ARHGAP24: variants seen among roughly 807,000 people sequenced by gnomAD.
ARHGAP24 encodes the protein rho GTPase-activating protein 24.
ARHGAP24 carries 50 observed loss-of-function variants against 76.4 expected under a neutral mutation model. The ratio of observed to expected loss-of-function variants is 0.65; its 90% CI spans 0.52 to 0.83. The LOEUF is 0.83. Ranked by LOEUF, ARHGAP24 falls within the 40% of genes least tolerant of loss-of-function variation. ARHGAP24 has a pLI of 0.00. For synonymous variants in ARHGAP24, 345 were observed against 323.3 expected, an observed-to-expected ratio of 1.07 and a Z score of -0.72; for missense variants, 930 against 914.2, an observed-to-expected ratio of 1.02 and a Z score of -0.22.
chr4:85,850,446 T>C (rs1039392744), intron 3 of ARHGAP24, among the ~76,000 whole-genome samples: 3 of 152,324 alleles, frequency 2.0e-5, no homozygotes, highest in Admixed American at 2.0e-4. Flanking sequence ...TGTCTCTATC[T>C]CCTTCAGTTC....
At chr4:85,508,031 C>G (rs946794152) in intron 1 of ARHGAP24, among the ~76,000 whole-genome samples, 1 of 149,280 alleles carries the variant, frequency 6.7e-6, no homozygotes, top group African/African-American at 2.5e-5. Context: ...TTTATATCTC[C>G]TTTGCCTTTT....
intron 2 of ARHGAP24, among the ~76,000 whole-genome samples, chr4:85,611,742 A>G (rs1315564392): frequency 6.6e-6 from 1 of 152,142 alleles, no homozygotes; most frequent in African/African-American, 2.4e-5. Context: ...TGATCCTTTG[A>G]GTCTATGGCA....
intron 3 of ARHGAP24, among the ~76,000 whole-genome samples, chr4:85,749,857 G>A (rs750414695): frequency 1.4e-4 from 22 of 152,070 alleles, no homozygotes; most frequent in African/African-American, 4.3e-4. Flanking sequence ...GTGAGCCACC[G>A]TGCCTGGCCT....
In ARHGAP24 at chr4:85,594,172, G is replaced by A. The variant is rs143383136; in HGVS notation, c.180+23451G>A. 6.6e-5 allele frequency among the ~76,000 whole-genome samples: 10 copies of A among 151,446 alleles called. No homozygotes were observed. The East Asian group carries it at 1.9e-3, about 29-fold the overall frequency. On this transcript the variant is annotated intron_variant, in intron 2 of 9. Transcript: ENST00000395184. ...TATTGTAGAAATCTTTCACTTTTTT[G>A]CTTAAGTTAATTCATAGGTATTTTA...
At chr4:85,780,978 C>CAAGCACT (rs1478640335) in intron 3 of ARHGAP24, among the ~76,000 whole-genome samples, 2 of 152,222 alleles carry the variant, frequency 1.3e-5, no homozygotes, top group Non-Finnish European at 2.9e-5. Flanking sequence ...TAATATTAAT[C>CAAGCACT]AAGCACTAAG....
intron 2 of ARHGAP24, among the ~76,000 whole-genome samples, chr4:85,655,818 A>AGAGAAAG (rs1237643654): frequency 1.2e-3 from 41 of 35,466 alleles, no homozygotes; most frequent in Non-Finnish European, 1.5e-3. Context: ...GAGAGAGAGA[A>AGAGAAAG]AGAGAGAGAG....
chr4:85,600,596 C>T (rs1449487794), intron 2 of ARHGAP24, among the ~76,000 whole-genome samples: 1 of 152,170 alleles, frequency 6.6e-6, no homozygotes, highest in African/African-American at 2.4e-5. Context: ...CATGTATCTT[C>T]CTTTGGAAGG....
chr4:85,615,216 T>C (rs566716337), intron 2 of ARHGAP24, among the ~76,000 whole-genome samples: 100 of 152,228 alleles, frequency 6.6e-4, no homozygotes, highest in African/African-American at 1.9e-3. Context: ...ATGCAGTTTG[T>C]ATACTAACCT....
At chr4:85,903,805 T>A (rs985236525) in intron 3 of ARHGAP24, among the ~76,000 whole-genome samples, 22 of 152,170 alleles carry the variant, frequency 1.4e-4, no homozygotes, top group African/African-American at 5.3e-4. Flanking sequence ...GTGACTGGCA[T>A]GAAAATCAAT....
chr4:85,784,310 T>C (rs1475093515), intron 3 of ARHGAP24, among the ~76,000 whole-genome samples: 2 of 152,090 alleles, frequency 1.3e-5, no homozygotes, highest in East Asian at 3.8e-4. Context: ...GCTTTTTTTT[T>C]TCTTCCCTCT....
At chr4:85,495,467 CAGCCTCCCGAGT>C (rs1723537930) in intron 1 of ARHGAP24, among the ~76,000 whole-genome samples, 1 of 148,796 alleles carries the variant, frequency 6.7e-6, no homozygotes, top group African/African-American at 2.5e-5. Context: ...TGTCCTGCCT[CAGCCTCCCGAGT>C]AGCTGGGACT....
intron 2 of ARHGAP24, among the ~76,000 whole-genome samples, chr4:85,671,390 T>A (rs1345200240): frequency 6.6e-6 from 1 of 152,198 alleles, no homozygotes; most frequent in Non-Finnish European, 1.5e-5. Flanking sequence ...TGTTGGCATC[T>A]TTCCTCCTAA....
chr4:85,537,223 A>G (rs944070592), intron 1 of ARHGAP24, among the ~76,000 whole-genome samples: 1 of 152,146 alleles, frequency 6.6e-6, no homozygotes, highest in African/African-American at 2.4e-5. Context: ...ATTATAAGAC[A>G]CGATTCTTGA....
chr4:85,728,608 G>A (rs765387080), intron 3 of ARHGAP24, among the ~76,000 whole-genome samples: 2 of 152,124 alleles, frequency 1.3e-5, no homozygotes, highest in African/African-American at 2.4e-5. Flanking sequence ...AACTTTTCCT[G>A]GATGGAACAT....
intron 1 of ARHGAP24, among the ~76,000 whole-genome samples, chr4:85,543,056 A>G (rs768722218): frequency 1.3e-5 from 2 of 152,220 alleles, no homozygotes; most frequent in Non-Finnish European, 2.9e-5. Context: ...GTAAGTTCCA[A>G]TAAGAAAGAG....
chr4:85,628,024 C>T (rs1043410106), intron 2 of ARHGAP24, among the ~76,000 whole-genome samples: 1 of 152,196 alleles, frequency 6.6e-6, no homozygotes, highest in East Asian at 1.9e-4. Context: ...CTTGCGCTTC[C>T]CAGGTGAGGT....
intron 1 of ARHGAP24, among the ~76,000 whole-genome samples, chr4:85,510,836 T>G (rs74982487): frequency 1.2e-3 from 2 of 1,628 alleles, no homozygotes; most frequent in Non-Finnish European, 4.2e-3. Flanking sequence ...TCTCTCGCTC[T>G]CTCTCTCTTC....
chr4:85,553,390 T>C (rs1726224174), intron 1 of ARHGAP24, among the ~76,000 whole-genome samples: 1 of 152,216 alleles, frequency 6.6e-6, no homozygotes, highest in African/African-American at 2.4e-5. Flanking sequence ...GAGAGCTGAT[T>C]GGTCCATTTT....
intron 3 of ARHGAP24, among the ~76,000 whole-genome samples, chr4:85,879,193 A>G (rs895634801): frequency 1.3e-5 from 2 of 152,186 alleles, no homozygotes; most frequent in African/African-American, 2.4e-5. Flanking sequence ...ATCTTGTTCT[A>G]TGCAGTTGTA....
Sources: allele counts gnomAD v4.1 joint callset (sites outside exome capture counted in the v4.1 genomes callset), GRCh38; gene constraint gnomAD v4.1.1; transcripts MANE v1.5; gene names NCBI Gene and HGNC (gene_info 2026-07-23, HGNC 2026-07-21).